Variants in RAB33A observed in about 807,000 individuals in gnomAD.
RAB33A encodes RAB33A, member RAS oncogene family.
In RAB33A, 6 loss-of-function variants were observed where a neutral mutation model predicts 12.0. The observed-to-expected ratio is 0.50, with a 90% CI of 0.27 to 0.99. RAB33A has a LOEUF of 0.99. RAB33A is among the 50% of genes least tolerant of loss of function. The pLI, the probability that RAB33A is intolerant of heterozygous loss-of-function variation, is 0.11. For missense variants in RAB33A, 109 were observed against 192.0 expected, an observed-to-expected ratio of 0.57 and a Z score of 2.55; for synonymous variants, 70 against 82.4, an observed-to-expected ratio of 0.85 and a Z score of 0.81.
At chrX:130,165,958 C>G in the RAB33A span, 2 of 359,076 alleles carry the variant, frequency 5.6e-6, no homozygotes, top group Admixed American at 8.7e-5. Flanking sequence ...GACGCTGGCT[C>G]TAGGTAGCCG....
chrX:130,140,497 G>A, the RAB33A span: 1 of 1,111,719 alleles, frequency 9.0e-7, no homozygotes, highest in East Asian at 3.0e-5. Context: ...TGAATGAGCT[G>A]TATCAGGGAA....
the RAB33A span, among the ~76,000 whole-genome samples, chrX:130,163,948 G>T: frequency 9.7e-6 from 1 of 102,919 alleles, no homozygotes; most frequent in Non-Finnish European, 2.0e-5. Context: ...GAGGTCAGGA[G>T]ATCGAGACCA....
the RAB33A span, among the ~76,000 whole-genome samples, chrX:130,131,229 C>T: frequency 8.9e-6 from 1 of 111,889 alleles, no homozygotes; most frequent in Non-Finnish European, 1.9e-5. Context: ...TTCCTCCCTG[C>T]GCAGGACCCA....
chrX:130,117,107 G>C, the RAB33A span, among the ~76,000 whole-genome samples: 2 of 111,943 alleles, frequency 1.8e-5, no homozygotes, highest in African/African-American at 6.5e-5. Flanking sequence ...CCAGCTACGC[G>C]GGAGGCTGAA....
At chrX:130,179,581 C>T (rs1260104630) in intron 1 of RAB33A, among the ~76,000 whole-genome samples, 2 of 109,092 alleles carry the variant, frequency 1.8e-5, no homozygotes, top group African/African-American at 6.7e-5. Context: ...TCTGCTCTCC[C>T]TTTCTTCCTG....
the RAB33A span, among the ~76,000 whole-genome samples, chrX:130,159,216 T>TA: frequency 6.5e-3 from 730 of 111,861 alleles, 8 homozygotes; most frequent in African/African-American, 0.022. Context: ...TTGATAGTCT[T>TA]AAATTTTGGT....
At chrX:130,164,134 C>T in the RAB33A span, among the ~76,000 whole-genome samples, 1 of 103,532 alleles carries the variant, frequency 9.7e-6, no homozygotes, top group Non-Finnish European at 2.0e-5. Context: ...CGCCACTGCA[C>T]TCCAGCCTGG....
the RAB33A span, chrX:130,129,276 G>A: frequency 2.7e-6 from 1 of 366,624 alleles, no homozygotes; most frequent in Non-Finnish European, 4.8e-6. Flanking sequence ...AAAATCCTGT[G>A]CTTGGTCGGT....
the RAB33A span, chrX:130,137,248 G>A: frequency 8.3e-7 from 1 of 1,207,663 alleles, no homozygotes; most frequent in Non-Finnish European, 1.1e-6. Context: ...AATACAGGAA[G>A]AGAAGTAAAG....
chrX:130,129,566 A>G, the RAB33A span: 1,275 of 1,208,751 alleles, frequency 1.1e-3, 6 homozygotes, highest in African/African-American at 0.019. Flanking sequence ...TTCAGTCTTC[A>G]TGAATGTTGA....
intron 1 of RAB33A, among the ~76,000 whole-genome samples, chrX:130,172,722 T>C (rs1026270851): frequency 2.7e-5 from 3 of 111,719 alleles, no homozygotes; most frequent in African/African-American, 9.7e-5. Flanking sequence ...TTCTACTGCT[T>C]GGGTGCCGAT....
chrX:130,149,025 G>T, the RAB33A span, among the ~76,000 whole-genome samples: 789 of 102,345 alleles, frequency 7.7e-3, 18 homozygotes, highest in Admixed American at 0.066. Context: ...CAGTTCAAGA[G>T]ATTCTCATGC....
chrX:130,183,496 A>C (rs1189023615), intron 1 of RAB33A, among the ~76,000 whole-genome samples: 2 of 109,596 alleles, frequency 1.8e-5, no homozygotes, highest in African/African-American at 6.6e-5. Flanking sequence ...CGGAGCTTGC[A>C]GTGAGCCGAG....
At chrX:130,119,544 G>A in the RAB33A span, among the ~76,000 whole-genome samples, 1 of 111,043 alleles carries the variant, frequency 9.0e-6, no homozygotes, top group Admixed American at 9.6e-5. Context: ...AAGCTTTGCT[G>A]ATCTGATCTT....
At chrX:130,135,367 G>GT in the RAB33A span, among the ~76,000 whole-genome samples, 1 of 104,948 alleles carries the variant, frequency 9.5e-6, no homozygotes, top group East Asian at 3.0e-4. Flanking sequence ...GATTACAGGT[G>GT]TAAGCCACTT....
At chrX:130,129,293 A>G in the RAB33A span, 1 of 388,929 alleles carries the variant, frequency 2.6e-6, no homozygotes, top group Non-Finnish European at 4.5e-6. Flanking sequence ...CGGTGCTGCA[A>G]TTTGCTTGCT....
At chrX:130,138,653 T>C in the RAB33A span, 1 of 1,210,529 alleles carries the variant, frequency 8.3e-7, no homozygotes, top group African/African-American at 1.7e-5. Flanking sequence ...ATAATCGTAA[T>C]TGATTTGACT....
intron 1 of RAB33A, among the ~76,000 whole-genome samples, chrX:130,176,284 G>A (rs1462284085): frequency 8.9e-6 from 1 of 112,077 alleles, no homozygotes; most frequent in African/African-American, 3.2e-5. Context: ...GTGTGTGTGT[G>A]TAGAGAGGGA....
chrX:130,176,305 T>C (rs1474625869), intron 1 of RAB33A, among the ~76,000 whole-genome samples: 2 of 111,475 alleles, frequency 1.8e-5, no homozygotes, highest in African/African-American at 6.5e-5. Context: ...GGGTATGTAG[T>C]AGAGGGGAGG....
Sources: gnomAD v4.1 joint callset for allele counts (sites outside exome capture counted in the v4.1 genomes callset) on GRCh38, gnomAD v4.1.1 for gene constraint, MANE v1.5 for transcripts, NCBI Gene and HGNC (gene_info 2026-07-23, HGNC 2026-07-21) for gene names.